EEIG2: variants seen among roughly 807,000 people sequenced by gnomAD.
The protein encoded by EEIG2 is family with sequence similarity 102 member B.
At chr1:108,564,240 A>G in the EEIG2 span, among the ~76,000 whole-genome samples, 2 of 151,800 alleles carry the variant, frequency 1.3e-5, no homozygotes, top group African/African-American at 4.8e-5. Context: ...GGCTGATGCT[A>G]TCTGTATTCA....
the EEIG2 span, among the ~76,000 whole-genome samples, chr1:108,624,451 CCTTTT>C: frequency 1.4e-5 from 2 of 139,224 alleles, no homozygotes; most frequent in Admixed American, 1.4e-4. Flanking sequence ...AAAAAAAAAC[CCTTTT>C]CTTTTATGAA....
the EEIG2 span, among the ~76,000 whole-genome samples, chr1:108,624,156 T>C: frequency 6.6e-6 from 1 of 152,094 alleles, no homozygotes; most frequent in Non-Finnish European, 1.5e-5. Context: ...CCTGGGCAGG[T>C]GAACTGTTTA....
At chr1:108,615,077 A>G in the EEIG2 span, among the ~76,000 whole-genome samples, 2 of 152,226 alleles carry the variant, frequency 1.3e-5, no homozygotes. Flanking sequence ...AAATAAGGCT[A>G]TATAAGATAC....
chr1:108,561,856 G>A, the EEIG2 span, among the ~76,000 whole-genome samples: 2 of 152,168 alleles, frequency 1.3e-5, no homozygotes, highest in Admixed American at 1.3e-4. Context: ...CTTGCCCTGA[G>A]GCCTAGACTG....
the EEIG2 span, among the ~76,000 whole-genome samples, chr1:108,620,426 A>G: frequency 1.2e-4 from 18 of 152,344 alleles, no homozygotes; most frequent in Admixed American, 1.0e-3. Context: ...ATAGTTCTCT[A>G]CAACTCATCA....
chr1:108,598,880 C>T, the EEIG2 span, among the ~76,000 whole-genome samples: 4 of 152,020 alleles, frequency 2.6e-5, no homozygotes, highest in Non-Finnish European at 5.9e-5. Flanking sequence ...GTAATCCTAG[C>T]ACTTTGGGAG....
At chr1:108,629,428 C>T in the EEIG2 span, among the ~76,000 whole-genome samples, 4 of 152,138 alleles carry the variant, frequency 2.6e-5, no homozygotes. Context: ...TTTAGAGTAT[C>T]TTTTAAATTG....
the EEIG2 span, among the ~76,000 whole-genome samples, chr1:108,617,667 G>T: frequency 6.6e-6 from 1 of 152,192 alleles, no homozygotes; most frequent in Non-Finnish European, 1.5e-5. Flanking sequence ...AGATGGAAAA[G>T]AACCAGAGAC....
the EEIG2 span, among the ~76,000 whole-genome samples, chr1:108,571,321 G>A: frequency 6.6e-5 from 10 of 152,146 alleles, no homozygotes; most frequent in Admixed American, 1.3e-4. Context: ...CTCTGCTGTA[G>A]GGGTACAATA....
the EEIG2 span, among the ~76,000 whole-genome samples, chr1:108,572,841 G>A: frequency 6.6e-6 from 1 of 152,158 alleles, no homozygotes; most frequent in East Asian, 1.9e-4. Context: ...TTTCCAGAAT[G>A]TCCTATAGTT....
the EEIG2 span, among the ~76,000 whole-genome samples, chr1:108,609,038 A>G: frequency 6.6e-6 from 1 of 152,212 alleles, no homozygotes; most frequent in Admixed American, 6.5e-5. Context: ...CTGCCACCTA[A>G]TACCACCCTT....
chr1:108,625,772 CTCTGTGTGTGTGTGTG>C, the EEIG2 span: 27 of 109,286 alleles, frequency 2.5e-4, no homozygotes, highest in South Asian at 7.1e-4. Context: ...CTCTCTCTCT[CTCTGTGTGTGTGTGTG>C]TGTGTGTGTG....
chr1:108,570,257 AC>A, the EEIG2 span, among the ~76,000 whole-genome samples: 1 of 152,176 alleles, frequency 6.6e-6, no homozygotes, highest in Non-Finnish European at 1.5e-5. Context: ...AACAGAAGAC[AC>A]AGTGACATGA....
chr1:108,628,083 G>A, the EEIG2 span: 31 of 1,180,046 alleles, frequency 2.6e-5, no homozygotes, highest in Non-Finnish European at 3.3e-5. Flanking sequence ...ACTTGGCAGA[G>A]TTTATAAAGT....
the EEIG2 span, among the ~76,000 whole-genome samples, chr1:108,579,763 GT>G: frequency 3.8e-5 from 4 of 106,558 alleles, no homozygotes; most frequent in African/African-American, 1.6e-4. Context: ...GTGTGTGTGT[GT>G]GTGTGTGTGA....
the EEIG2 span, among the ~76,000 whole-genome samples, chr1:108,621,899 G>T: frequency 6.6e-6 from 1 of 151,950 alleles, no homozygotes; most frequent in Non-Finnish European, 1.5e-5. Flanking sequence ...GCTCACGCCT[G>T]TAATCCCAAC....
chr1:108,611,979 GAATA>G, the EEIG2 span, among the ~76,000 whole-genome samples: 3 of 152,050 alleles, frequency 2.0e-5, no homozygotes, highest in South Asian at 2.1e-4. Context: ...CGCAAGAATA[GAATA>G]AATAAATTCA....
the EEIG2 span, among the ~76,000 whole-genome samples, chr1:108,587,113 A>G: frequency 3.3e-5 from 5 of 152,062 alleles, no homozygotes; most frequent in Admixed American, 1.3e-4. Context: ...TTCCTACACA[A>G]TGCTTAGTTT....
the EEIG2 span, among the ~76,000 whole-genome samples, chr1:108,565,136 TG>T: frequency 2.0e-5 from 3 of 152,210 alleles, no homozygotes; most frequent in Admixed American, 6.5e-5. Flanking sequence ...ATAAAATATT[TG>T]GAAAATACAT....
Sources: allele counts gnomAD v4.1 joint callset (sites outside exome capture counted in the v4.1 genomes callset), GRCh38; gene constraint gnomAD v4.1.1; transcripts MANE v1.5; gene names NCBI Gene and HGNC (gene_info 2026-07-23, HGNC 2026-07-21).